The following FARS2 variants were observed in gnomAD, a reference collection of about 807,000 sequenced individuals.
FARS2 encodes the protein phenylalanyl-tRNA synthetase 2, mitochondrial, also known as phenylalanine--tRNA ligase, mitochondrial.
In FARS2, 40 loss-of-function variants were observed where a neutral mutation model predicts 46.4. That is an observed-to-expected ratio of 0.86 (90% CI 0.67 to 1.12). The LOEUF (loss-of-function observed/expected upper bound fraction) is 1.12. Ranked by LOEUF, FARS2 falls within the 50% of genes most tolerant of loss-of-function variation. The probability of loss-of-function intolerance (pLI) is 0.00; values close to 1 mark genes in which losing one functional copy is unlikely to be tolerated. For synonymous variants in FARS2, 234 were observed against 214.9 expected (o/e 1.09, Z -0.78); for missense variants, 513 against 567.9 (o/e 0.90, Z 0.98).
At chr6:5,737,109 A>G (rs1761002570) in intron 6 of FARS2, among the ~76,000 whole-genome samples, 1 of 152,236 alleles carries the variant, frequency 6.6e-6, no homozygotes, top group Admixed American at 6.5e-5. Flanking sequence ...CCCTGCGTGA[A>G]GGGAGATCAC....
chr6:5,354,746 C>A (rs1480151956), intron 1 of FARS2, among the ~76,000 whole-genome samples: 1 of 152,084 alleles, frequency 6.6e-6, no homozygotes, highest in Non-Finnish European at 1.5e-5. Flanking sequence ...ATCTCCTGAC[C>A]TCGTGATCCA....
intron 6 of FARS2, among the ~76,000 whole-genome samples, chr6:5,689,133 T>C (rs1220474180): frequency 3.3e-5 from 5 of 152,342 alleles, no homozygotes; most frequent in African/African-American, 1.2e-4. Context: ...TCAATTTTGT[T>C]GATCTTTTCA....
At chr6:5,355,647 A>G (rs1757871576) in intron 1 of FARS2, among the ~76,000 whole-genome samples, 1 of 151,996 alleles carries the variant, frequency 6.6e-6, no homozygotes, top group Non-Finnish European at 1.5e-5. Context: ...GTGAGCCACC[A>G]TGCCCAGCCT....
chr6:5,649,690 C>T (rs1777249572), intron 6 of FARS2, among the ~76,000 whole-genome samples: 1 of 152,196 alleles, frequency 6.6e-6, no homozygotes, highest in South Asian at 2.1e-4. Context: ...GCTTAGAGAA[C>T]TGAGTAACTT....
At chr6:5,532,780 T>TAAGAAGAAGAAGAAGAAG (rs1441043690) in intron 4 of FARS2, among the ~76,000 whole-genome samples, 33 of 146,422 alleles carry the variant, frequency 2.3e-4, no homozygotes, top group African/African-American at 8.8e-4. Context: ...ATAATAATAA[T>TAAGAAGAAGAAGAAGAAG]AATAAGAAGA....
chr6:5,434,968 C>T (rs754638705), intron 4 of FARS2, among the ~76,000 whole-genome samples: 1 of 152,136 alleles, frequency 6.6e-6, no homozygotes, highest in Non-Finnish European at 1.5e-5. Context: ...TCCTGTATGC[C>T]AGCATCCCAT....
At chr6:5,654,785 G>T (rs557224402) in intron 6 of FARS2, among the ~76,000 whole-genome samples, 1 of 151,998 alleles carries the variant, frequency 6.6e-6, no homozygotes, top group Non-Finnish European at 1.5e-5. Context: ...CCACTTATAC[G>T]TGGATTTTCT....
intron 4 of FARS2, among the ~76,000 whole-genome samples, chr6:5,476,317 A>G (rs577635074): frequency 6.6e-6 from 1 of 152,234 alleles, no homozygotes; most frequent in East Asian, 1.9e-4. Flanking sequence ...GAAGCATACT[A>G]ATTGATGTTT....
chr6:5,486,348 G>A (rs1766775064), intron 4 of FARS2, among the ~76,000 whole-genome samples: 1 of 152,174 alleles, frequency 6.6e-6, no homozygotes, highest in Non-Finnish European at 1.5e-5. Context: ...GTTTCCCTGA[G>A]CCCCAAACCC....
At chr6:5,415,361 C>G (rs776960677) in intron 3 of FARS2, among the ~76,000 whole-genome samples, 28 of 123,052 alleles carry the variant, frequency 2.3e-4, no homozygotes, top group Non-Finnish European at 4.2e-4. Flanking sequence ...GTCGCCAAGG[C>G]TGGAGTGCAG....
At chr6:5,528,540 A>T (rs951137102) in intron 4 of FARS2, among the ~76,000 whole-genome samples, 1 of 152,150 alleles carries the variant, frequency 6.6e-6, no homozygotes, top group South Asian at 2.1e-4. Context: ...AGCTTGAACT[A>T]TGGAGTTACG....
At chr6:5,279,404 AAAAG>A (rs1338372770) in intron 1 of FARS2, among the ~76,000 whole-genome samples, 4 of 150,830 alleles carry the variant, frequency 2.7e-5, no homozygotes, top group East Asian at 1.9e-4. Context: ...GAAAAAGAAA[AAAAG>A]AAAGCAATCT....
intron 6 of FARS2, among the ~76,000 whole-genome samples, chr6:5,754,244 C>T (rs772868607): frequency 7.2e-5 from 11 of 152,250 alleles, no homozygotes; most frequent in Non-Finnish European, 1.2e-4. Context: ...AGAGTGGGTC[C>T]GTGTGCCTTC....
intron 3 of FARS2, among the ~76,000 whole-genome samples, chr6:5,419,800 C>T (rs570814724): frequency 2.6e-5 from 4 of 152,150 alleles, no homozygotes; most frequent in Non-Finnish European, 5.9e-5. Flanking sequence ...AGCTTTTTGC[C>T]TCCCTCCTGC....
chr6:5,431,291 GTC>G (rs1204054568), intron 4 of FARS2, 119 bp downstream of exon 4: 1 of 1,006,930 alleles, frequency 9.9e-7, no homozygotes, highest in Non-Finnish European at 1.5e-6. Flanking sequence ...GGCATCACTG[GTC>G]TCTCTTCAGA....
intron 5 of FARS2, among the ~76,000 whole-genome samples, chr6:5,589,019 T>A (rs1302191567): frequency 6.6e-6 from 1 of 152,178 alleles, no homozygotes; most frequent in Non-Finnish European, 1.5e-5. Flanking sequence ...TGTTGCTAAT[T>A]CAGACTTAAA....
At chr6:5,499,841 T>G (rs1767685230) in intron 4 of FARS2, among the ~76,000 whole-genome samples, 1 of 152,242 alleles carries the variant, frequency 6.6e-6, no homozygotes. Context: ...CAAATAGTAG[T>G]CACTAACTAC....
intron 4 of FARS2, among the ~76,000 whole-genome samples, chr6:5,515,291 T>A (rs1393734868): frequency 6.6e-6 from 1 of 152,230 alleles, no homozygotes; most frequent in Non-Finnish European, 1.5e-5. Flanking sequence ...GAATTTCTCA[T>A]GGTGTATGAT....
At chr6:5,767,574 C>A (rs1762819100) in intron 6 of FARS2, among the ~76,000 whole-genome samples, 1 of 152,146 alleles carries the variant, frequency 6.6e-6, no homozygotes, top group Non-Finnish European at 1.5e-5. Flanking sequence ...CACCAGATTG[C>A]TTAGTTTTGA....
Sources: gnomAD v4.1 joint callset for allele counts (sites outside exome capture counted in the v4.1 genomes callset) on GRCh38, gnomAD v4.1.1 for gene constraint, MANE v1.5 for transcripts, NCBI Gene and HGNC (gene_info 2026-07-23, HGNC 2026-07-21) for gene names.